Variants in TMEM266 observed in about 807,000 individuals in gnomAD.
TMEM266 encodes Hv1 related protein 1.
TMEM266 carries 33 observed loss-of-function variants against 50.5 expected under a neutral mutation model. That is an observed-to-expected ratio of 0.65 (90% confidence interval 0.50 to 0.87). TMEM266 has a LOEUF of 0.87. Among genes scored for constraint, TMEM266 ranks in the 40% least tolerant of loss-of-function variants. The pLI is 0.00. For missense variants in TMEM266, 655 were observed against 695.1 expected (o/e 0.94, Z 0.65); for synonymous variants, 310 against 292.3 (o/e 1.06, Z -0.62).
intron 3 of TMEM266, among the ~76,000 whole-genome samples, chr15:76,141,681 T>C (rs2037681523): frequency 6.6e-6 from 1 of 152,190 alleles, no homozygotes; most frequent in Non-Finnish European, 1.5e-5. Context: ...CCAGCATGCA[T>C]CTCCAGAACT....
At chr15:76,098,979 T>C (rs1241945892) in intron 1 of TMEM266, among the ~76,000 whole-genome samples, 1 of 152,040 alleles carries the variant, frequency 6.6e-6, no homozygotes, top group African/African-American at 2.4e-5. Flanking sequence ...GTGCTGGCAG[T>C]GGGAATTTCA....
chr15:76,133,211 A>G (rs879544108), intron 1 of TMEM266, among the ~76,000 whole-genome samples: 124 of 152,102 alleles, frequency 8.2e-4, no homozygotes, highest in Non-Finnish European at 1.5e-3. Context: ...AGGCGGGCGG[A>G]TCACCTGAGG....
intron 5 of TMEM266, among the ~76,000 whole-genome samples, chr15:76,165,136 C>G (rs1384373840): frequency 6.6e-6 from 1 of 152,228 alleles, no homozygotes; most frequent in African/African-American, 2.4e-5. Context: ...AGGGCCTGGA[C>G]CAGGTGCAAG....
At chr15:76,067,912 G>A (rs1433666330) in intron 1 of TMEM266, among the ~76,000 whole-genome samples, 1 of 152,112 alleles carries the variant, frequency 6.6e-6, no homozygotes, top group Non-Finnish European at 1.5e-5. Context: ...TATTTGACCT[G>A]CAAAGGGCCA....
intron 8 of TMEM266, among the ~76,000 whole-genome samples, chr15:76,183,343 T>G (rs975553699): frequency 2.0e-5 from 3 of 152,106 alleles, no homozygotes; most frequent in Admixed American, 2.0e-4. Context: ...CTCGAACTCC[T>G]GACCTCAAGT....
chr15:76,201,908 C>A (rs1435937431), intron 9 of TMEM266, among the ~76,000 whole-genome samples: 1 of 152,188 alleles, frequency 6.6e-6, no homozygotes, highest in East Asian at 1.9e-4. Context: ...ATTTCCACAC[C>A]CCTCATCTCA....
intron 1 of TMEM266, chr15:76,113,695 G>C (rs1249374617): frequency 6.6e-6 from 1 of 152,140 alleles, no homozygotes; most frequent in African/African-American, 2.4e-5. Context: ...AGATCACAAG[G>C]TCAGGAGATC....
chr15:76,170,725 G>T (rs191277896), intron 6 of TMEM266, among the ~76,000 whole-genome samples: 1 of 152,200 alleles, frequency 6.6e-6, no homozygotes, highest in Admixed American at 6.5e-5. Flanking sequence ...TCTTGAGAAG[G>T]GGCAAGACAG....
intron 3 of TMEM266, among the ~76,000 whole-genome samples, chr15:76,140,959 C>T (rs995748767): frequency 6.6e-6 from 1 of 152,000 alleles, no homozygotes; most frequent in Admixed American, 6.6e-5. Context: ...ATCACTTGAG[C>T]CCAGGAGGTC....
At chr15:76,171,934 A>G (rs2038195061) in intron 7 of TMEM266, among the ~76,000 whole-genome samples, 1 of 152,102 alleles carries the variant, frequency 6.6e-6, no homozygotes, top group African/African-American at 2.4e-5. Flanking sequence ...GTGGGGGGTG[A>G]CCCAGAGGAT....
Position 76,169,765 on chromosome 15 carries a change from C to T in TMEM266, c.457-51C>T, listed in dbSNP as rs140678420. ...TGAGTGCTGAGCTCTGGAATCTTCT[C>T]GGCTGGAGGAAGACCTGGAGAATAA... is the stretch of plus-strand genomic sequence containing the variant. On this transcript the variant is annotated intron_variant, in intron 5 of 10. Transcript: ENST00000388942. 346 of 1,574,512 alleles carry T rather than the reference C, an allele frequency of 2.2e-4. 3 individuals are homozygous for T. The African/African-American group carries it at 3.9e-3, about 18-fold the overall frequency.
At chr15:76,082,483 A>T (rs1567144120) in intron 1 of TMEM266, among the ~76,000 whole-genome samples, 1 of 152,250 alleles carries the variant, frequency 6.6e-6, no homozygotes, top group Non-Finnish European at 1.5e-5. Flanking sequence ...ACAGAGTATT[A>T]TGATGGAGTC....
intron 1 of TMEM266, among the ~76,000 whole-genome samples, chr15:76,103,678 G>A (rs920488929): frequency 3.3e-5 from 5 of 151,810 alleles, no homozygotes; most frequent in East Asian, 3.9e-4. Flanking sequence ...TTGGGAGGCC[G>A]AGGTGGGTGG....
chr15:76,061,017 C>T (rs1242265743), intron 1 of TMEM266, among the ~76,000 whole-genome samples: 1 of 152,138 alleles, frequency 6.6e-6, no homozygotes, highest in African/African-American at 2.4e-5. Context: ...CTGAATTTCT[C>T]TTCAGTGCAT....
At chr15:76,143,363 C>T (rs1350807006) in intron 3 of TMEM266, among the ~76,000 whole-genome samples, 1 of 152,190 alleles carries the variant, frequency 6.6e-6, no homozygotes. Context: ...GCTTCAGCCT[C>T]GTCCACACCA....
At position 76,157,994 on chromosome 15, in the gene TMEM266, A is replaced by ATAAG. The variant is rs551013577; in HGVS notation, c.382+1240_382+1243dup. ...CAGAGTGAGACCCCATCTCAAATAAATAAGTAAATAAATAAATAAATAAAT... is the reference window on the plus strand; with the variant it reads ...CAGAGTGAGACCCCATCTCAAATAAATAAGTAAGTAAATAAATAAATAAATAAAT... On this transcript the variant is annotated intron_variant, in intron 4 of 10. Transcript: ENST00000388942. 1.3e-3 allele frequency among the ~76,000 whole-genome samples: 187 copies of ATAAG among 143,778 alleles called. 1 individual carries two copies. Among genetic ancestry groups the ATAAG allele is most frequent in the African/African-American group, 3.8e-3 (153 of 40,430 alleles). The allele number at this position is 143,778 out of a possible 152,430, so 94.3% of individuals were successfully genotyped here.
Position 76,204,174 on chromosome 15 carries a change from CAACCAGAAG to C in TMEM266, c.1462_1470del (p.Lys488_Gln490del), listed in dbSNP as rs754279736. The C allele has an allele frequency of 1.2e-6, 2 of 1,613,776 alleles. No individual in the cohort carries two copies. Among genetic ancestry groups the C allele is most frequent in the Non-Finnish European group, 1.7e-6 (2 of 1,180,016 alleles). Reference sequence around the variant, plus strand: ...AGCTGGAACACAGGGTAAGTCTGTTCAACCAGAAGAACCAGGAGGGCTTCACTGTCTTTC... The same window carrying C: ...AGCTGGAACACAGGGTAAGTCTGTTCAACCAGGAGGGCTTCACTGTCTTTC... On this transcript the variant is annotated inframe_deletion, in exon 11 of 11. Coordinates refer to ENST00000388942, the MANE Select transcript of TMEM266 (RefSeq NM_152335.3).
At position 76,204,167 on chromosome 15, in the gene TMEM266, G is replaced by T. The variant is rs748868524; in HGVS notation, c.1448G>T (p.Ser483Ile). ...AGCCCCGAGCTGGAACACAGGGTAA[G>T]TCTGTTCAACCAGAAGAACCAGGAG... Residue 483 changes from serine (S) to isoleucine (I), a missense_variant, in exon 11 of 11, where the codon AGT becomes ATT. By Grantham distance (142) the Ser-to-Ile change is moderately radical. Around this residue, in one of 3 missense-constraint regions of TMEM266, gnomAD observed 455 missense variants for 401.8 expected, o/e 1.13. Coordinates refer to ENST00000388942, the MANE Select transcript of TMEM266 (RefSeq NM_152335.3). The T allele has an allele frequency of 1.9e-6, 3 of 1,613,744 alleles. No homozygotes were observed. Among genetic ancestry groups the T allele is most frequent in the South Asian group, 1.1e-5 (1 of 91,086 alleles).
intron 3 of TMEM266, among the ~76,000 whole-genome samples, chr15:76,138,953 G>T (rs1231536649): frequency 1.3e-5 from 2 of 152,166 alleles, no homozygotes; most frequent in East Asian, 3.9e-4. Context: ...AGGCCAAAGA[G>T]GGGTAGGAAC....
Sources: allele counts gnomAD v4.1 joint callset (sites outside exome capture counted in the v4.1 genomes callset), GRCh38; gene constraint gnomAD v4.1.1; regional missense constraint gnomAD v4.1.1; transcripts MANE v1.5; gene names NCBI Gene and HGNC (gene_info 2026-07-23, HGNC 2026-07-21).